TTN: variants seen among roughly 807,000 people sequenced by gnomAD.
The protein encoded by TTN is connectin.
TTN carries 1,525 observed loss-of-function variants against 3,223.0 expected under a neutral mutation model. The observed-to-expected ratio is 0.47, with a 90% CI of 0.45 to 0.49. TTN has a LOEUF of 0.49. Ranked by LOEUF, TTN falls within the 20% of genes least tolerant of loss-of-function variation. The probability of loss-of-function intolerance (pLI) is 0.00; values close to 1 mark genes in which losing one functional copy is unlikely to be tolerated. For synonymous variants in TTN, 14,094 were observed against 15,161.0 expected (o/e 0.93, Z 5.17); for missense variants, 40,786 against 43,424.0 (o/e 0.94, Z 5.40).
chr2:178,596,736 C>T (rs1162393520), intron 294 of TTN, among the ~76,000 whole-genome samples: 2 of 151,950 alleles, frequency 1.3e-5, no homozygotes, highest in Non-Finnish European at 2.9e-5. Context: ...TAATTATATT[C>T]AACATAGAAC....
chr2:178,729,705 T>C lies in TTN; in HGVS notation c.18548A>G (p.Asp6183Gly). 1 of 1,613,728 alleles carries C rather than the reference T, an allele frequency of 6.2e-7. No individual in the cohort carries two copies. Among genetic ancestry groups the C allele is most frequent in the Non-Finnish European group, 8.5e-7 (1 of 1,179,708 alleles). The stretch of plus-strand genomic sequence containing the variant: ...AATGCTGCAGCTCGCCGTGCCTGCG[T>C]CATTTCGAGCTTCACACACATAAGT... Reference protein sequence around the residue: ...SGTYVCEARNDAGTASCSIEL... With the variant: ...SGTYVCEARNGAGTASCSIEL... Residue 6183 changes from aspartate to glycine, a missense_variant, in exon 63 of 363, where the codon GAC (aspartate) becomes GGC (glycine). Physicochemically the swap from Asp to Gly is moderately conservative, Grantham distance 94. Coordinates refer to ENST00000589042, the MANE Select transcript of TTN (RefSeq NM_001267550.2).
chr2:178,720,509 A>T lies in TTN; in HGVS notation c.23253T>A (p.Thr7751=). The stretch of plus-strand genomic sequence containing the variant: ...GAAGACTTGTATCAAAATGTTTTGA[A>T]GTGATTTTAAATTTCTTGCTGTTTC... ...QVRNSKKFKI[T]SKHFDTSLHI... The change falls in exon 80 of 363, where the codon ACT becomes ACA. Residue 7751 remains threonine (T), a synonymous_variant. Coordinates refer to ENST00000589042, the MANE Select transcript of TTN (RefSeq NM_001267550.2). 6.2e-7 allele frequency: 1 copy of T among 1,613,666 alleles called. No homozygotes were observed.
Position 178,573,182 on chromosome 2 carries a change from G to A in TTN, c.72950C>T (p.Ala24317Val). The change falls in exon 326 of 363, where the codon GCT becomes GTT. Residue 24317 changes from alanine (A) to valine (V), a missense_variant. Physicochemically the swap from Ala to Val is moderately conservative, Grantham distance 64 (BLOSUM62 0). Transcript: ENST00000589042. ...APSPTSPFYK[A>V]CDTVFKPGPP... ...TCCAGGTTTAAACACAGTGTCACAAGCCTTGTAAAATGGACTGGTAGGACT... is the reference window on the plus strand; with the variant it reads ...TCCAGGTTTAAACACAGTGTCACAAACCTTGTAAAATGGACTGGTAGGACT... 1 of 1,611,364 alleles carries A rather than the reference G, an allele frequency of 6.2e-7. No individual in the cohort carries two copies. Among genetic ancestry groups the A allele is most frequent in the Non-Finnish European group, 8.5e-7 (1 of 1,178,470 alleles).
At chr2:178,743,913 T>C (rs1273720502) in intron 47 of TTN, among the ~76,000 whole-genome samples, 2 of 151,962 alleles carry the variant, frequency 1.3e-5, no homozygotes, top group Non-Finnish European at 2.9e-5. Flanking sequence ...TGATGAGTTA[T>C]GGTGGCTCAA....
At position 178,673,708 on chromosome 2, in the gene TTN, G is replaced by A. The variant is rs747786353; in HGVS notation, c.34711C>T (p.Pro11571Ser). The A allele has an allele frequency of 6.3e-7, 1 of 1,585,374 alleles. No individual in the cohort carries two copies. Among genetic ancestry groups the A allele is most frequent in the Non-Finnish European group, 8.5e-7 (1 of 1,169,856 alleles). Residue 11571 changes from proline (P) to serine (S), a missense_variant and splice_region_variant, in exon 152 of 363, where the codon CCT becomes TCT. Pro to Ser is a moderately conservative substitution (Grantham distance 74). Transcript: ENST00000589042. ...EVEEVAPPRVPEVIKKAVPEA... is the reference protein window; with the variant it reads ...EVEEVAPPRVSEVIKKAVPEA... ...GGTACTGCTTTCTTAATCACTTCAGGCACTTAAAAGAAATTTTATGAACAT... is the reference window on the plus strand; with the variant it reads ...GGTACTGCTTTCTTAATCACTTCAGACACTTAAAAGAAATTTTATGAACAT...
At position 178,729,863 on chromosome 2, in the gene TTN, T is replaced by A. The variant is rs66523653; in HGVS notation, c.18390A>T (p.Thr6130=). 2.7e-3 allele frequency: 4,311 copies of A among 1,613,626 alleles called. 99 individuals are homozygous for A. In the African/African-American group the frequency reaches 0.05, roughly 19 times the overall value. Residue 6130 remains threonine, a synonymous_variant, in exon 63 of 363, where the codon ACA becomes ACT. Transcript: ENST00000589042. ...GQSTTFECQI[T]GTPKIRVSWY... Reference sequence around the variant, plus strand: ...AAGACACTCGGATTTTAGGAGTGCCTGTTATTTGGCATTCAAATGTTGTTG... The same window carrying A: ...AAGACACTCGGATTTTAGGAGTGCCAGTTATTTGGCATTCAAATGTTGTTG...
Position 178,748,502 on chromosome 2 carries a change from T to C in TTN, c.11311+4622A>G, listed in dbSNP as rs764262468. On this transcript the variant is annotated intron_variant, in intron 47 of 362. Transcript: ENST00000589042. ...CTGCTGTTCCCTAGTTTCTTGCCCTTGGAACTCCAGAGCTGGATCTCCTAT... is the reference window on the plus strand; with the variant it reads ...CTGCTGTTCCCTAGTTTCTTGCCCTCGGAACTCCAGAGCTGGATCTCCTAT... The C allele has an allele frequency of 2.2e-5, 36 of 1,613,002 alleles. 1 individual carries two copies. In the South Asian group the frequency reaches 3.6e-4, roughly 16 times the overall value.
In TTN at chr2:178,616,569, C is replaced by T; in HGVS notation, c.48222G>A (p.Leu16074=). Residue 16074 remains leucine (L), a synonymous_variant, in exon 257 of 363, where the codon TTG becomes TTA. Coordinates refer to ENST00000589042, the MANE Select transcript of TTN (RefSeq NM_001267550.2). ...CATCATCATCAGGTGGTTCCCAAGT[C>T]AAATGTACTGAGTCCTTGGTTATAT... ...FGDITKDSVH[L]TWEPPDDDGG... 4.3e-6 allele frequency: 7 copies of T among 1,612,354 alleles called. No individual in the cohort carries two copies. The highest frequency in any genetic ancestry group is 5.9e-6 in the Non-Finnish European group (7 of 1,178,986).
In TTN at chr2:178,609,376, C is replaced by G. The variant is rs749451611; in HGVS notation, c.51934G>C (p.Glu17312Gln). 2 of 1,612,168 alleles carry G rather than the reference C, an allele frequency of 1.2e-6. No individual in the cohort carries two copies. Among genetic ancestry groups the G allele is most frequent in the South Asian group, 1.1e-5 (1 of 90,990 alleles). ...TGTGTCAGAGGCAGGACAAATGGTT[C>G]TTCTTCTTGAACTTCACCCTTCCTT... is the stretch of plus-strand genomic sequence containing the variant. ...RRRKGEVQEEEPFVLPLTQRL... is the reference protein window; with the variant it reads ...RRRKGEVQEEQPFVLPLTQRL... The change falls in exon 273 of 363, where the codon GAA (glutamate) becomes CAA (glutamine). Residue 17312 changes from glutamate to glutamine, a missense_variant. Glu to Gln is a conservative substitution (Grantham distance 29, BLOSUM62 2). Coordinates refer to ENST00000589042, the MANE Select transcript of TTN (RefSeq NM_001267550.2).
rs1412840625 is a variant in TTN at position 178,549,728 on chromosome 2, A to G, written c.91994T>C (p.Leu30665Pro). ...TTTATCCTCAATTAGTGCCCAGGCA[A>G]GTCTGCTGGTTTCCCGTTTTTCAAT... ...YIIEKRETSR[L>P]AWALIEDKCE... The change falls in exon 338 of 363, where the codon CTT (leucine) becomes CCT (proline). Residue 30665 changes from leucine to proline, a missense_variant. Transcript: ENST00000589042. 1 of 1,613,652 alleles carries G rather than the reference A, an allele frequency of 6.2e-7. No individual in the cohort carries two copies. The highest frequency in any genetic ancestry group is 8.5e-7 in the Non-Finnish European group (1 of 1,179,768).
In TTN at chr2:178,562,427, A is replaced by G; in HGVS notation, c.83705T>C (p.Met27902Thr). Reference sequence around the variant, plus strand: ...CCACTTTTCACTCCCTTTAGTCTGCATTTCAACCACATAACCAGTAATTTT... The same window carrying G: ...CCACTTTTCACTCCCTTTAGTCTGCGTTTCAACCACATAACCAGTAATTTT... ...GSKITGYVVE[M>T]QTKGSEKWST... Residue 27902 changes from methionine to threonine, a missense_variant, in exon 326 of 363, where the codon ATG becomes ACG. By Grantham distance (81) the Met-to-Thr change is moderately conservative. Coordinates refer to ENST00000589042, the MANE Select transcript of TTN (RefSeq NM_001267550.2). 6.2e-7 allele frequency: 1 copy of G among 1,613,104 alleles called. No individual in the cohort carries two copies. Among genetic ancestry groups the G allele is most frequent in the Non-Finnish European group, 8.5e-7 (1 of 1,179,544 alleles).
rs2055120375 is a variant in TTN at position 178,607,322 on chromosome 2, CA to C, written c.53288-9del. 1.1e-5 allele frequency: 17 copies of C among 1,611,874 alleles called. No homozygotes were observed. In the East Asian group the frequency reaches 3.6e-4, roughly 34 times the overall value. On this transcript the variant is annotated splice_polypyrimidine_tract_variant and intron_variant, in intron 277 of 362. Coordinates refer to ENST00000589042, the MANE Select transcript of TTN (RefSeq NM_001267550.2). The stretch of plus-strand genomic sequence containing the variant: ...GAACTGGACCAGGGACATCTGAAAA[CA>C]AAACAAAGCCAAAAATCAATGTAAT...
At position 178,793,512 on chromosome 2, in the gene TTN, T is replaced by C; in HGVS notation, c.1428A>G (p.Val476=). 1 of 1,614,084 alleles carries C rather than the reference T, an allele frequency of 6.2e-7. No individual in the cohort carries two copies. Among genetic ancestry groups the C allele is most frequent in the Non-Finnish European group, 8.5e-7 (1 of 1,180,020 alleles). ...TATCGGCGGCCACTACTACCTTAGT[T>C]ACAGCAGTCTTCTCCGCTTCCTTTC... The part of the protein sequence containing the change: ...QVRKEAEKTA[V]TKVVVAADKA... Residue 476 remains valine, a synonymous_variant, in exon 9 of 363, where the codon GTA becomes GTG. Transcript: ENST00000589042.
At chr2:178,649,694 T>C in intron 211 of TTN, 63 bp from the exon 212 acceptor site, 3 of 1,538,294 alleles carry the variant, frequency 2.0e-6, no homozygotes, top group Non-Finnish European at 2.7e-6. Flanking sequence ...TACATACAAG[T>C]TTATTCAACA....
chr2:178,653,071 G>A lies in TTN; in HGVS notation c.38845C>T (p.Pro12949Ser), dbSNP rs757781411. The change falls in exon 199 of 363, where the codon CCT becomes TCT. Residue 12949 changes from proline (P) to serine (S), a missense_variant. Transcript: ENST00000589042. ...ACAGGTGGGACTTCAGGTTTTTTAG[G>A]AGGAGTCACTGGCACTTTCTTTTCA... ...VPEKKVPVTP[P>S]KKPEVPPVKV... 6.4e-5 allele frequency: 104 copies of A among 1,613,158 alleles called. No individual in the cohort carries two copies. The highest frequency in any genetic ancestry group is 8.1e-5 in the Non-Finnish European group (95 of 1,179,576).
At chr2:178,627,567 G>A (rs1388307992) in intron 240 of TTN, among the ~76,000 whole-genome samples, 1 of 151,902 alleles carries the variant, frequency 6.6e-6, no homozygotes, top group Admixed American at 6.6e-5. Flanking sequence ...TAGAGTAAAG[G>A]ATTAAAATTC....
intron 336 of TTN, 169 bp downstream of exon 336, chr2:178,550,798 C>A: frequency 1.6e-6 from 1 of 630,108 alleles, no homozygotes; most frequent in Non-Finnish European, 2.7e-6. Flanking sequence ...ATAATTGATG[C>A]CAATTATTTT....
At chr2:178,704,460 C>T in intron 105 of TTN, 50 bp downstream of exon 105, 1 of 1,598,532 alleles carries the variant, frequency 6.3e-7, no homozygotes, top group East Asian at 2.2e-5. Flanking sequence ...CAGATGTGCT[C>T]AACAGTAATT....
In TTN at chr2:178,640,105, C is replaced by T. The variant is rs2061031941; in HGVS notation, c.40729G>A (p.Glu13577Lys). Reference protein sequence around the residue: ...RKIPEPTKVPEIKPAIPLPAP... With the variant: ...RKIPEPTKVPKIKPAIPLPAP... ...GGGAGAGGTATTGCTGGCTTGATTT[C>T]AGGCACTGAAATAATTTAGAGTAGA... The change falls in exon 222 of 363, where the codon GAA (glutamate) becomes AAA (lysine). Residue 13577 changes from glutamate to lysine, a missense_variant. Physicochemically the swap from Glu to Lys is moderately conservative, Grantham distance 56 (BLOSUM62 1). Transcript: ENST00000589042. 6.2e-7 allele frequency: 1 copy of T among 1,611,662 alleles called. No individual in the cohort carries two copies. Among genetic ancestry groups the T allele is most frequent in the African/African-American group, 1.3e-5 (1 of 74,740 alleles).
Sources: allele counts gnomAD v4.1 joint callset (sites outside exome capture counted in the v4.1 genomes callset), GRCh38; gene constraint gnomAD v4.1.1; transcripts MANE v1.5; gene names NCBI Gene and HGNC (gene_info 2026-07-23, HGNC 2026-07-21).